EPHB2: variants seen among roughly 807,000 people sequenced by gnomAD.
EPHB2 encodes EPH receptor B2.
Under a neutral mutation model 96.4 loss-of-function variants are expected in EPHB2, and 18 were observed. The ratio of observed to expected loss-of-function variants is 0.19; its 90% CI spans 0.13 to 0.28. The LOEUF is 0.28. EPHB2 is among the 10% of genes least tolerant of loss of function. The pLI, the probability that EPHB2 is intolerant of heterozygous loss-of-function variation, is 1.00. For synonymous variants in EPHB2, 506 were observed against 534.1 expected, an observed-to-expected ratio of 0.95 and a Z score of 0.72; for missense variants, 989 against 1,355.4, an observed-to-expected ratio of 0.73 and a Z score of 4.25.
intron 3 of EPHB2, among the ~76,000 whole-genome samples, chr1:22,838,836 C>T (rs1410051833): frequency 2.0e-5 from 3 of 151,924 alleles, no homozygotes; most frequent in Non-Finnish European, 4.4e-5. Context: ...GAGGCTGAGG[C>T]AGGAAAATGG....
At chr1:22,750,231 A>C (rs577715865) in intron 1 of EPHB2, among the ~76,000 whole-genome samples, 9 of 152,258 alleles carry the variant, frequency 5.9e-5, no homozygotes, top group Admixed American at 2.6e-4. Context: ...GGGGTAGTTT[A>C]TATTGGGGCA....
chr1:22,747,844 C>T (rs1453963944), intron 1 of EPHB2, among the ~76,000 whole-genome samples: 1 of 152,244 alleles, frequency 6.6e-6, no homozygotes, highest in African/African-American at 2.4e-5. Context: ...TGGGTGGCCC[C>T]ACTCAGCCAC....
At position 22,764,968 on chromosome 1, in the gene EPHB2, G is replaced by A. The variant is rs115178580; in HGVS notation, c.62-16453G>A. ...GGGGCTGCGGTTGGGGCAGATGCAC[G>A]GGAGGCGCTCAGAGAGGGAGTGTTA... On this transcript the variant is annotated intron_variant, in intron 1 of 15. Coordinates refer to ENST00000374630, the MANE Select transcript of EPHB2 (RefSeq NM_017449.5). Among the ~76,000 whole-genome samples, 1,294 of 152,312 alleles carry A rather than the reference G, an allele frequency of 8.5e-3. 18 individuals carry two copies. The highest frequency in any genetic ancestry group is 0.027 in the African/African-American group (1,123 of 41,552).
intron 3 of EPHB2, among the ~76,000 whole-genome samples, chr1:22,819,231 C>CTCTCTCTCTT (rs1645117706): frequency 6.6e-6 from 1 of 150,820 alleles, no homozygotes; most frequent in Non-Finnish European, 1.5e-5. Context: ...CTCTCTCTCT[C>CTCTCTCTCTT]TCTCTCTCTC....
At chr1:22,720,050 T>C (rs1460308215) in intron 1 of EPHB2, among the ~76,000 whole-genome samples, 9 of 152,200 alleles carry the variant, frequency 5.9e-5, no homozygotes, top group Non-Finnish European at 1.2e-4. Flanking sequence ...GAGGCCCTCA[T>C]AGAGAAGGCT....
chr1:22,757,066 G>A (rs975400688), intron 1 of EPHB2, among the ~76,000 whole-genome samples: 1 of 152,146 alleles, frequency 6.6e-6, no homozygotes, highest in Non-Finnish European at 1.5e-5. Flanking sequence ...TATCTTGTAA[G>A]CATATACTTT....
rs149495937 is a variant in EPHB2 at position 22,805,309 on chromosome 1, GTCTC to G, written c.811+20238_811+20241del. Among the ~76,000 whole-genome samples the G allele has an allele frequency of 7.5e-3, 1,140 of 152,282 alleles. 19 individuals carry two copies. Among genetic ancestry groups the G allele is most frequent in the African/African-American group, 0.026 (1,060 of 41,550 alleles). On this transcript the variant is annotated intron_variant, in intron 3 of 15. Transcript: ENST00000374630. ...TTTGTGTGTCTCTGAGCCGTACGCA[GTCTC>G]TCTCAGCCTCAGTTTCCCCCCCAGG...
chr1:22,866,165 C>T (rs1427428304), intron 5 of EPHB2, among the ~76,000 whole-genome samples: 6 of 152,132 alleles, frequency 3.9e-5, no homozygotes, highest in Non-Finnish European at 1.5e-5. Context: ...GGTAGAAGAT[C>T]TCATGGTTGG....
chr1:22,809,038 A>T (rs373988699), intron 3 of EPHB2, among the ~76,000 whole-genome samples: 2 of 152,350 alleles, frequency 1.3e-5, no homozygotes, highest in African/African-American at 2.4e-5. Context: ...GGGCCGGGCC[A>T]GGCCTGGGAT....
At chr1:22,757,052 TC>T (rs1235184621) in intron 1 of EPHB2, among the ~76,000 whole-genome samples, 2 of 152,302 alleles carry the variant, frequency 1.3e-5, no homozygotes, top group East Asian at 3.9e-4. Flanking sequence ...CTATATTGTT[TC>T]AATATCTTGT....
chr1:22,852,909 G>C (rs1439572799), intron 3 of EPHB2, among the ~76,000 whole-genome samples: 1 of 151,758 alleles, frequency 6.6e-6, no homozygotes, highest in African/African-American at 2.4e-5. Context: ...ATGGGAGGTG[G>C]AGAGACAGAT....
At chr1:22,894,150 T>C (rs1172961503) in intron 7 of EPHB2, among the ~76,000 whole-genome samples, 1 of 152,204 alleles carries the variant, frequency 6.6e-6, no homozygotes, top group South Asian at 2.1e-4. Flanking sequence ...GTGAGTGTCA[T>C]TGACTGGGAA....
chr1:22,877,884 C>G (rs1638896590), intron 5 of EPHB2, among the ~76,000 whole-genome samples: 1 of 152,230 alleles, frequency 6.6e-6, no homozygotes, highest in African/African-American at 2.4e-5. Context: ...GGCCCCACTC[C>G]AGACCTGCTG....
chr1:22,852,914 A>G (rs1003705212), intron 3 of EPHB2, among the ~76,000 whole-genome samples: 8 of 152,192 alleles, frequency 5.3e-5, no homozygotes, highest in Admixed American at 2.6e-4. Context: ...AGGTGGAGAG[A>G]CAGATGTTAA....
Position 22,784,120 on chromosome 1 carries a change from TC to T in EPHB2, c.127-270del, listed in dbSNP as rs1310162070. ...TATTTTCCCCTTCCAGGTGGGAACT[TC>T]CTGGCCAGGGTCCCTGTCTCCTTTA... On this transcript the variant is annotated intron_variant, in intron 2 of 15. Transcript: ENST00000374630. The surrounding 1 kb of genome is among the most constrained non-coding windows in gnomAD (Gnocchi z 5.1). 6.6e-6 allele frequency among the ~76,000 whole-genome samples: 1 copy of T among 152,108 alleles called. No homozygotes were observed. Among genetic ancestry groups the T allele is most frequent in the Non-Finnish European group, 1.5e-5 (1 of 68,004 alleles).
At chr1:22,767,415 C>T (rs1025641499) in intron 1 of EPHB2, among the ~76,000 whole-genome samples, 2 of 152,240 alleles carry the variant, frequency 1.3e-5, no homozygotes, top group African/African-American at 4.8e-5. Context: ...GCCTGCCTCC[C>T]TCACCAACTT....
chr1:22,843,989 A>G (rs1326992539), intron 3 of EPHB2, among the ~76,000 whole-genome samples: 1 of 152,220 alleles, frequency 6.6e-6, no homozygotes, highest in Non-Finnish European at 1.5e-5. Context: ...AGGCTTTTTT[A>G]TGGCTGTGTA....
chr1:22,876,219 G>C (rs1638831416), intron 5 of EPHB2, among the ~76,000 whole-genome samples: 1 of 152,132 alleles, frequency 6.6e-6, no homozygotes, highest in Admixed American at 6.5e-5. Flanking sequence ...TTGGAGCTCA[G>C]GGATCTTCGG....
chr1:22,816,356 G>A (rs1384311927), intron 3 of EPHB2, among the ~76,000 whole-genome samples: 1 of 152,126 alleles, frequency 6.6e-6, no homozygotes, highest in Non-Finnish European at 1.5e-5. Context: ...TCCTACCCAT[G>A]CCCCGTGGAA....
Sources: allele counts gnomAD v4.1 joint callset (sites outside exome capture counted in the v4.1 genomes callset), GRCh38; gene constraint gnomAD v4.1.1; non-coding constraint Gnocchi (gnomAD v3.1); transcripts MANE v1.5; gene names NCBI Gene and HGNC (gene_info 2026-07-23, HGNC 2026-07-21).